Variants in IGF1R observed in about 807,000 individuals in gnomAD.
The protein encoded by IGF1R is insulin like growth factor 1 receptor.
IGF1R carries 44 observed loss-of-function variants against 144.6 expected under a neutral mutation model. The ratio of observed to expected loss-of-function variants is 0.30; its 90% CI spans 0.24 to 0.39. IGF1R has a LOEUF of 0.39. Ranked by LOEUF, IGF1R falls within the 10% of genes least tolerant of loss-of-function variation. The pLI is 1.00. For synonymous variants in IGF1R, 795 were observed against 722.8 expected, an observed-to-expected ratio of 1.10 and a Z score of -1.60; for missense variants, 1,355 against 1,833.7, an observed-to-expected ratio of 0.74 and a Z score of 4.77.
At chr15:98,756,342 T>G (rs2055155759) in intron 2 of IGF1R, among the ~76,000 whole-genome samples, 1 of 152,016 alleles carries the variant, frequency 6.6e-6, no homozygotes, top group African/African-American at 2.4e-5. Flanking sequence ...AAAACAAATT[T>G]TTTAGTTTTT....
chr15:98,877,121 G>A (rs1437597927), intron 2 of IGF1R, among the ~76,000 whole-genome samples: 1 of 152,210 alleles, frequency 6.6e-6, no homozygotes, highest in Non-Finnish European at 1.5e-5. Context: ...TGTAGCTGTT[G>A]CTGTCCATGC....
intron 1 of IGF1R, among the ~76,000 whole-genome samples, chr15:98,652,111 AAG>A (rs1277925721): frequency 6.6e-6 from 1 of 152,226 alleles, no homozygotes; most frequent in Non-Finnish European, 1.5e-5. Context: ...TGGCAGTAGA[AAG>A]AGTGTTGTTT....
intron 2 of IGF1R, among the ~76,000 whole-genome samples, chr15:98,799,216 C>A (rs1479519395): frequency 6.6e-6 from 1 of 152,076 alleles, no homozygotes; most frequent in African/African-American, 2.4e-5. Flanking sequence ...ATGTGCCTCC[C>A]CCTTTCGTGA....
intron 2 of IGF1R, chr15:98,890,554 T>C (rs1653054070): frequency 1.3e-5 from 2 of 152,664 alleles, no homozygotes; most frequent in African/African-American, 4.8e-5. Context: ...GGAGTAGCCA[T>C]TCTTCTGTTC....
intron 13 of IGF1R, among the ~76,000 whole-genome samples, chr15:98,928,350 T>C (rs1227819374): frequency 6.6e-6 from 1 of 152,216 alleles, no homozygotes; most frequent in Non-Finnish European, 1.5e-5. Context: ...AGACATGGCA[T>C]GTCCCCCCAA....
intron 18 of IGF1R, among the ~76,000 whole-genome samples, chr15:98,939,759 C>T: frequency 6.6e-6 from 1 of 152,228 alleles, no homozygotes; most frequent in East Asian, 1.9e-4. Flanking sequence ...GAGCATTGCT[C>T]CCCTTCCAGG....
intron 2 of IGF1R, among the ~76,000 whole-genome samples, chr15:98,884,703 A>AG (rs2013552503): frequency 6.6e-6 from 1 of 150,642 alleles, no homozygotes; most frequent in Non-Finnish European, 1.5e-5. Flanking sequence ...AAAAAAAAAA[A>AG]AGAAATTCTG....
chr15:98,868,076 C>T (rs1299326196), intron 2 of IGF1R, among the ~76,000 whole-genome samples: 1 of 152,030 alleles, frequency 6.6e-6, no homozygotes, highest in African/African-American at 2.4e-5. Flanking sequence ...TGGTGCATGC[C>T]TGTAATCCCA....
At chr15:98,848,919 A>G (rs1356274174) in intron 2 of IGF1R, among the ~76,000 whole-genome samples, 1 of 152,278 alleles carries the variant, frequency 6.6e-6, no homozygotes, top group Non-Finnish European at 1.5e-5. Context: ...AAGATACAGA[A>G]GACAACTGGA....
intron 2 of IGF1R, among the ~76,000 whole-genome samples, chr15:98,731,208 G>A (rs1360856751): frequency 6.6e-6 from 1 of 152,076 alleles, no homozygotes; most frequent in Non-Finnish European, 1.5e-5. Flanking sequence ...GCTAACTCTG[G>A]GCCCTGTGCT....
intron 2 of IGF1R, among the ~76,000 whole-genome samples, chr15:98,756,786 G>A (rs1023456371): frequency 6.6e-6 from 1 of 151,870 alleles, no homozygotes; most frequent in African/African-American, 2.4e-5. Flanking sequence ...ACGTATTTTT[G>A]GTTTTAGACA....
chr15:98,876,571 G>A lies in IGF1R; in HGVS notation c.641-14754G>A, dbSNP rs111867791. ...AATAAAAACTAGCAAAATAAAATAT[G>A]AGCCAACAGAATTCTGTGGGAATGG... is the stretch of plus-strand genomic sequence containing the variant. On this transcript the variant is annotated intron_variant, in intron 2 of 20. Transcript: ENST00000650285. Among the ~76,000 whole-genome samples, 454 of 152,288 alleles carry A rather than the reference G, an allele frequency of 3.0e-3. 1 individual carries two copies. Among genetic ancestry groups the A allele is most frequent in the Non-Finnish European group, 5.1e-3 (347 of 68,008 alleles).
chr15:98,916,099 G>T lies in IGF1R; in HGVS notation c.1964G>T (p.Gly655Val), dbSNP rs2015232085. 6.2e-7 allele frequency: 1 copy of T among 1,614,024 alleles called. No individual in the cohort carries two copies. The highest frequency in any genetic ancestry group is 1.3e-5 in the African/African-American group (1 of 74,886). ...IVRWQRQPQDGYLYRHNYCSK... is the reference protein window; with the variant it reads ...IVRWQRQPQDVYLYRHNYCSK... ...CGCTGGCAGCGGCAGCCTCAGGACGGCTACCTTTACCGGCACAATTACTGC... is the reference window on the plus strand; with the variant it reads ...CGCTGGCAGCGGCAGCCTCAGGACGTCTACCTTTACCGGCACAATTACTGC... Residue 655 changes from glycine to valine, a missense_variant, in exon 9 of 21, where the codon GGC becomes GTC. By Grantham distance (109) the Gly-to-Val change is moderately radical (BLOSUM62 -3). Transcript: ENST00000650285.
Position 98,863,870 on chromosome 15 carries a change from C to A in IGF1R, c.641-27455C>A, listed in dbSNP as rs112116544. Reference sequence around the variant, plus strand: ...TGAGATGGGTTGGGAAGGTTTACATCAACACCATGAATTTAATTTATCATG... The same window carrying A: ...TGAGATGGGTTGGGAAGGTTTACATAAACACCATGAATTTAATTTATCATG... On this transcript the variant is annotated intron_variant, in intron 2 of 20. Transcript: ENST00000650285. Among the ~76,000 whole-genome samples the A allele has an allele frequency of 7.9e-5, 12 of 152,290 alleles. 1 individual carries two copies. Among genetic ancestry groups the A allele is most frequent in the African/African-American group, 2.6e-4 (11 of 41,548 alleles).
intron 2 of IGF1R, among the ~76,000 whole-genome samples, chr15:98,864,215 C>T (rs978816945): frequency 6.6e-6 from 1 of 152,102 alleles, no homozygotes; most frequent in African/African-American, 2.4e-5. Context: ...TGATCATGCC[C>T]CTGCTCTCCA....
rs75836132 is a variant in IGF1R at position 98,818,239 on chromosome 15, A to G, written c.641-73086A>G. Among the ~76,000 whole-genome samples the G allele has an allele frequency of 2.3e-3, 350 of 152,290 alleles. 1 individual carries two copies. Among genetic ancestry groups the G allele is most frequent in the African/African-American group, 7.8e-3 (326 of 41,552 alleles). On this transcript the variant is annotated intron_variant, in intron 2 of 20. Transcript: ENST00000650285. Reference sequence around the variant, plus strand: ...TGGGAGGTGGCCGGGGATGAGACACAATTGATTTCATAGCGTCGAGTTATA... The same window carrying G: ...TGGGAGGTGGCCGGGGATGAGACACGATTGATTTCATAGCGTCGAGTTATA...
intron 1 of IGF1R, among the ~76,000 whole-genome samples, chr15:98,672,222 T>C (rs1227020783): frequency 1.3e-5 from 2 of 152,110 alleles, no homozygotes; most frequent in Admixed American, 1.3e-4. Flanking sequence ...ACCAAGAAAA[T>C]GATGGACTGG....
rs143814678 is a variant in IGF1R, at chr15:98,797,319, A to G, written c.640+89212A>G. Among the ~76,000 whole-genome samples the G allele has an allele frequency of 7.6e-4, 115 of 152,286 alleles. No homozygotes were observed. In the Middle Eastern group the frequency reaches 0.02, roughly 27 times the overall value. On this transcript the variant is annotated intron_variant, in intron 2 of 20. Coordinates refer to ENST00000650285, the MANE Select transcript of IGF1R (RefSeq NM_000875.5). ...GAGCTGTGTCTCCCAGGCAGCTGTG[A>G]TGACTGCTCGAAAGCCCACTCAGGG...
At position 98,648,853 on chromosome 15, in the gene IGF1R, G is replaced by GCGGGCGGGGGC. The variant is rs974408205; in HGVS notation, c.-714_-704dup. The GCGGGCGGGGGC allele has an allele frequency of 3.5e-4, 51 of 147,632 alleles. No individual in the cohort carries two copies. Among genetic ancestry groups the GCGGGCGGGGGC allele is most frequent in the African/African-American group, 8.1e-4 (33 of 40,754 alleles). The allele number at this position is 147,632 out of a possible 1,614,324, so 9.1% of individuals were successfully genotyped here. A position where few individuals can be genotyped will look rare whatever the true frequency, so the allele number is the denominator to read the frequency against. Reference sequence around the variant, plus strand: ...GAGCCCCCGCGCAGAGCAGGCGGCGGCGGGCGGGGGCCGGGCGGGGGCCGG... The same window carrying GCGGGCGGGGGC: ...GAGCCCCCGCGCAGAGCAGGCGGCGGCGGGCGGGGGCCGGGCGGGGGCCGGGCGGGGGCCGG... On this transcript the variant is annotated 5_prime_UTR_variant, in exon 1 of 21. Coordinates refer to ENST00000650285, the MANE Select transcript of IGF1R (RefSeq NM_000875.5).
Sources: gnomAD v4.1 joint callset for allele counts (sites outside exome capture counted in the v4.1 genomes callset) on GRCh38, gnomAD v4.1.1 for gene constraint, MANE v1.5 for transcripts, NCBI Gene and HGNC (gene_info 2026-07-23, HGNC 2026-07-21) for gene names.